EVA1C: variants seen among roughly 807,000 people sequenced by gnomAD.
EVA1C encodes the protein eva-1 homolog C.
A neutral mutation model predicts 45.4 loss-of-function variants in EVA1C; 25 were observed. The observed-to-expected ratio is 0.55, with a 90% CI of 0.40 to 0.77. The LOEUF (loss-of-function observed/expected upper bound fraction) is 0.77, where lower values mean the gene tolerates loss of function less well. Among genes scored for constraint, EVA1C ranks in the 30% least tolerant of loss-of-function variants. The pLI is 0.00. For missense variants in EVA1C, 479 were observed against 554.8 expected, an observed-to-expected ratio of 0.86 and a Z score of 1.37; for synonymous variants, 190 against 221.2, an observed-to-expected ratio of 0.86 and a Z score of 1.25.
chr21:32,510,198 G>C (rs374576375), intron 7 of EVA1C, among the ~76,000 whole-genome samples: 1 of 151,732 alleles, frequency 6.6e-6, no homozygotes, highest in African/African-American at 2.4e-5. Context: ...ACAGGCGCAC[G>C]CCACCACCCC....
intron 6 of EVA1C, among the ~76,000 whole-genome samples, chr21:32,502,200 G>A (rs2037582035): frequency 6.6e-6 from 1 of 151,916 alleles, no homozygotes. Flanking sequence ...CCGGGTTCAA[G>A]CGATTCTCCT....
chr21:32,489,093 A>G (rs1259399637), intron 4 of EVA1C, among the ~76,000 whole-genome samples: 2 of 152,218 alleles, frequency 1.3e-5, no homozygotes, highest in African/African-American at 4.8e-5. Flanking sequence ...TTTATTGTGC[A>G]GAAGCTTTTT....
At chr21:32,428,745 T>C (rs1409287616) in intron 1 of EVA1C, 2 of 152,258 alleles carry the variant, frequency 1.3e-5, no homozygotes, top group African/African-American at 2.4e-5. Context: ...TTAAAGAATG[T>C]CATGTTTACG....
chr21:32,444,043 A>G (rs1416567402), intron 1 of EVA1C, among the ~76,000 whole-genome samples: 1 of 142,742 alleles, frequency 7.0e-6, no homozygotes, highest in African/African-American at 2.7e-5. Context: ...TCTGACACCA[A>G]TTGTGTGAAA....
In EVA1C at chr21:32,514,848, C is replaced by T. The variant is rs753389018; in HGVS notation, c.984C>T (p.Ser328=). 1 of 1,596,798 alleles carries T rather than the reference C, an allele frequency of 6.3e-7. No homozygotes were observed. Among genetic ancestry groups the T allele is most frequent in the African/African-American group, 1.3e-5 (1 of 74,582 alleles). ...AGAGAGCTGCCCTGCTGTTCGTGTC[C>T]AGTGTCTGCATCGGCCTGGCCCTCA... ...HPERAALLFV[S]SVCIGLALTL... Residue 328 remains serine, a synonymous_variant, in exon 8 of 8, where the codon TCC becomes TCT. Coordinates refer to ENST00000300255, the MANE Select transcript of EVA1C (RefSeq NM_058187.5).
chr21:32,469,449 G>A (rs2036295392), intron 4 of EVA1C, among the ~76,000 whole-genome samples: 1 of 152,188 alleles, frequency 6.6e-6, no homozygotes, highest in African/African-American at 2.4e-5. Context: ...GACTGTAGCT[G>A]GGTATTCAGT....
intron 5 of EVA1C, among the ~76,000 whole-genome samples, chr21:32,500,190 A>ACT (rs1414463994): frequency 3.2e-4 from 29 of 91,098 alleles, no homozygotes; most frequent in African/African-American, 1.2e-3. Context: ...TAACCACCCT[A>ACT]TTTTTTTTTT....
At chr21:32,488,673 C>T (rs151282600) in intron 4 of EVA1C, among the ~76,000 whole-genome samples, 18,175 of 151,840 alleles carry the variant, frequency 0.12, 1,775 homozygotes, top group African/African-American at 0.26. Flanking sequence ...GCAACCTCCG[C>T]CTCCCCGGTT....
chr21:32,496,706 T>C, intron 5 of EVA1C: 1 of 588,602 alleles, frequency 1.7e-6, no homozygotes, highest in South Asian at 2.0e-5. Context: ...ATCAGAGTGT[T>C]GAATAAGAAG....
At chr21:32,440,922 G>A (rs1032612589) in intron 1 of EVA1C, among the ~76,000 whole-genome samples, 35 of 152,106 alleles carry the variant, frequency 2.3e-4, no homozygotes, top group African/African-American at 8.5e-4. Flanking sequence ...CCAACATGGA[G>A]AAAACCCGTC....
At chr21:32,508,559 G>A (rs756387650) in intron 7 of EVA1C, among the ~76,000 whole-genome samples, 1 of 152,196 alleles carries the variant, frequency 6.6e-6, no homozygotes, top group Non-Finnish European at 1.5e-5. Context: ...ACCTTGTCAC[G>A]GAGATATGGA....
chr21:32,412,910 CG>C lies in EVA1C; in HGVS notation c.59del (p.Gly20AlafsTer6), dbSNP rs1568848524. On this transcript the variant is annotated frameshift_variant, in exon 1 of 8. Transcript: ENST00000300255. LOFTEE classifies it high-confidence loss of function. ...CGACGCCCCAGCCCGTGCAGCATCC[CG>C]GCCTCCGCCGGCAGGTAGAGCCGCC... Reference protein sequence around the residue: ...PPTPQPVQHPGLRRQVEPPGQ... With the variant: ...PPTPQPVQHPXLRRQVEPPGQ... 6.6e-7 allele frequency: 1 copy of C among 1,519,848 alleles called. No individual in the cohort carries two copies. The allele number at this position is 1,519,848 out of a possible 1,614,324, so 94.1% of individuals were successfully genotyped here. A position where few individuals can be genotyped will look rare whatever the true frequency, so the allele number is the denominator to read the frequency against.
At chr21:32,508,596 T>C (rs185538086) in intron 7 of EVA1C, among the ~76,000 whole-genome samples, 1 of 152,278 alleles carries the variant, frequency 6.6e-6, no homozygotes, top group East Asian at 1.9e-4. Flanking sequence ...CGGTCTCCAA[T>C]CTCTAGTTCC....
rs764938094 is a variant in EVA1C, at chr21:32,514,987, G to T, written c.1123G>T (p.Glu375Ter). Residue 375 changes from glutamate (E) to a stop codon, truncating the protein, a stop_gained, in exon 8 of 8, where the codon GAA (glutamate) becomes TAA (stop). Coordinates refer to ENST00000300255, the MANE Select transcript of EVA1C (RefSeq NM_058187.5). LOFTEE classifies it high-confidence loss of function. ...CAAGGTCGAGGAGGACAGCGAGGAT[G>T]AAGAAGAGGAGGAGGACCCCTCTGA... ...SDKVEEDSED[E>*]EEEEDPSESD... is the part of the protein sequence containing the mutation. The T allele has an allele frequency of 3.1e-6, 5 of 1,614,036 alleles. No individual in the cohort carries two copies. Among genetic ancestry groups the T allele is most frequent in the Non-Finnish European group, 1.7e-6 (2 of 1,180,016 alleles).
chr21:32,431,753 A>G (rs1360572962), intron 1 of EVA1C, among the ~76,000 whole-genome samples: 1 of 152,104 alleles, frequency 6.6e-6, no homozygotes, highest in Non-Finnish European at 1.5e-5. Context: ...ATTTTACCCC[A>G]TTTGCTTTAT....
chr21:32,437,981 G>T (rs953918403), intron 1 of EVA1C, among the ~76,000 whole-genome samples: 2 of 152,148 alleles, frequency 1.3e-5, no homozygotes, highest in African/African-American at 4.8e-5. Context: ...ACGGCCCCCG[G>T]TCTTTCCTGT....
At chr21:32,494,561 T>A (rs2037277284) in intron 4 of EVA1C, among the ~76,000 whole-genome samples, 1 of 152,150 alleles carries the variant, frequency 6.6e-6, no homozygotes, top group Admixed American at 6.5e-5. Flanking sequence ...AGCAGGCAAA[T>A]CACTGGAGGT....
At chr21:32,413,391 T>TA (rs1229702273) in intron 1 of EVA1C, among the ~76,000 whole-genome samples, 1 of 152,226 alleles carries the variant, frequency 6.6e-6, no homozygotes. Context: ...TGCGCCGCGT[T>TA]TGTCACCCGC....
At chr21:32,504,998 C>T (rs960260067) in intron 7 of EVA1C, among the ~76,000 whole-genome samples, 1 of 151,928 alleles carries the variant, frequency 6.6e-6, no homozygotes, top group Non-Finnish European at 1.5e-5. Flanking sequence ...TGCAGGGGAA[C>T]TCCCCTTTAT....
Sources: gnomAD v4.1 joint callset for allele counts (sites outside exome capture counted in the v4.1 genomes callset) on GRCh38, gnomAD v4.1.1 for gene constraint, MANE v1.5 for transcripts, NCBI Gene and HGNC (gene_info 2026-07-23, HGNC 2026-07-21) for gene names.